RAB44: variants seen among roughly 807,000 people sequenced by gnomAD.
RAB44 encodes the protein RAB44, member RAS oncogene family, also known as ras-related protein Rab-44.
Under a neutral mutation model 93.3 loss-of-function variants are expected in RAB44, and 67 were observed. The ratio of observed to expected loss-of-function variants is 0.72; its 90% CI spans 0.59 to 0.88. RAB44 has a LOEUF of 0.88. RAB44 is among the 40% of genes least tolerant of loss of function. RAB44 has a pLI of 0.00. For synonymous variants in RAB44, 427 were observed against 520.3 expected, an observed-to-expected ratio of 0.82 and a Z score of 2.44; for missense variants, 1,064 against 1,261.7, an observed-to-expected ratio of 0.84 and a Z score of 2.37.
rs147011832 is a variant in RAB44, at chr6:36,730,592, G to A, written c.2899-81G>A. ...GGGATGCATTGGGACTCTGATGGCCGGGACTTTAGTGGCGGGGTATGGCCT... is the reference window on the plus strand; with the variant it reads ...GGGATGCATTGGGACTCTGATGGCCAGGACTTTAGTGGCGGGGTATGGCCT... On this transcript the variant is annotated intron_variant, in intron 12 of 13. Transcript: ENST00000612677. 6,947 of 876,392 alleles carry A rather than the reference G, an allele frequency of 7.9e-3. 44 individuals carry two copies. Among genetic ancestry groups the A allele is most frequent in the Non-Finnish European group, 9.1e-3 (5,991 of 661,598 alleles). 54.3% of individuals were successfully genotyped at this position (876,392 alleles called of 1,614,324 possible).
intron 1 of RAB44, among the ~76,000 whole-genome samples, chr6:36,699,922 A>G (rs1582602453): frequency 1.3e-5 from 2 of 152,332 alleles, no homozygotes; most frequent in African/African-American, 4.8e-5. Flanking sequence ...TCATATATTC[A>G]GCAAATATTT....
chr6:36,720,319 G>A (rs547335203), intron 7 of RAB44, 44 bp from the exon 8 acceptor site: 4 of 1,230,792 alleles, frequency 3.2e-6, no homozygotes, highest in African/African-American at 1.5e-5. Context: ...TTTGCGCCCT[G>A]GAGGGCATCT....
intron 11 of RAB44, 48 bp from the exon 12 acceptor site, chr6:36,728,652 A>C (rs559017888): frequency 4.8e-6 from 7 of 1,462,148 alleles, no homozygotes; most frequent in African/African-American, 1.4e-5. Flanking sequence ...ATGTGCCAGG[A>C]GCCTGGCACA....
intron 1 of RAB44, among the ~76,000 whole-genome samples, chr6:36,699,345 A>T (rs1435561614): frequency 1.3e-5 from 2 of 152,024 alleles, no homozygotes; most frequent in Non-Finnish European, 2.9e-5. Flanking sequence ...GGCTGCAGGG[A>T]ATTTCTTCCA....
chr6:36,703,437 G>A (rs1762560749), intron 1 of RAB44, among the ~76,000 whole-genome samples: 1 of 152,320 alleles, frequency 6.6e-6, no homozygotes, highest in East Asian at 1.9e-4. Context: ...GAGGCAGCCT[G>A]TAAGGTGAGG....
intron 10 of RAB44, 83 bp downstream of exon 10, chr6:36,726,026 C>A (rs1400875249): frequency 1.8e-6 from 2 of 1,099,522 alleles, no homozygotes; most frequent in African/African-American, 1.5e-5. Flanking sequence ...CCTAATAACA[C>A]AGGCAGGAGG....
rs904455702 is a variant in RAB44 at position 36,720,519 on chromosome 6, C to A, written c.985C>A (p.Arg329=). ...TRGRLDAARG[R]VSWQVEEKLS... is the part of the protein sequence containing the mutation. ...GGGGCGCCTGGACGCCGCCAGGGGC[C>A]GGGTGTCCTGGCAGGTGGAGGAGAA... Residue 329 remains arginine, a synonymous_variant, in exon 8 of 14, where the codon CGG becomes AGG. Coordinates refer to ENST00000612677, the MANE Select transcript of RAB44 (RefSeq NM_001257357.2). 2.1e-5 allele frequency: 26 copies of A among 1,233,678 alleles called. No individual in the cohort carries two copies. The highest frequency in any genetic ancestry group is 4.7e-5 in the African/African-American group (3 of 64,428). The allele number at this position is 1,233,678 out of a possible 1,614,324, so 76.4% of individuals were successfully genotyped here.
At chr6:36,701,197 C>T (rs895459044) in intron 1 of RAB44, among the ~76,000 whole-genome samples, 8 of 152,106 alleles carry the variant, frequency 5.3e-5, no homozygotes, top group South Asian at 4.1e-4. Context: ...GCAACCTCTG[C>T]CTCTTGGGTT....
rs1763362666 is a variant in RAB44, at chr6:36,731,469, G to A, written c.2976-534G>A. 6.6e-6 allele frequency among the ~76,000 whole-genome samples: 1 copy of A among 152,244 alleles called. No homozygotes were observed. Among genetic ancestry groups the A allele is most frequent in the African/African-American group, 2.4e-5 (1 of 41,450 alleles). On this transcript the variant is annotated intron_variant, in intron 13 of 13. Transcript: ENST00000612677. This position sits in a 1 kb window ranked among gnomAD's most constrained non-coding sequence, Gnocchi z 4.0. ...GTAAGGCATGAGGGGAGCTAGATCA[G>A]ATGAGCACCATCTGGCACACAGTAA... is the stretch of plus-strand genomic sequence containing the variant.
chr6:36,722,687 C>G lies in RAB44; in HGVS notation c.2553C>G (p.His851Gln). ...DSNVGKTSFL[H>Q]LLHQNSFATG... The stretch of plus-strand genomic sequence containing the variant: ...ACGTGGGCAAAACATCCTTCCTGCA[C>G]CTGCTGCACCAGAATTCTTTCGCCA... The change falls in exon 9 of 14, where the codon CAC (histidine) becomes CAG (glutamine). Residue 851 changes from histidine to glutamine, a missense_variant. Coordinates refer to ENST00000612677, the MANE Select transcript of RAB44 (RefSeq NM_001257357.2). The G allele has an allele frequency of 6.4e-7, 1 of 1,550,662 alleles. No individual in the cohort carries two copies. Among genetic ancestry groups the G allele is most frequent in the Admixed American group, 2.0e-5 (1 of 51,008 alleles).
rs1763358722 is a variant in RAB44, at chr6:36,731,251, C to A, written c.2975+502C>A. The stretch of plus-strand genomic sequence containing the variant: ...GCCACTCAGAGACTCCCTCCCTGAT[C>A]ACCCACCTGCCATCACTATTTTGGA... On this transcript the variant is annotated intron_variant, in intron 13 of 13. Transcript: ENST00000612677. This position sits in a 1 kb window ranked among gnomAD's most constrained non-coding sequence, Gnocchi z 4.0. Among the ~76,000 whole-genome samples, 1 of 152,088 alleles carries A rather than the reference C, an allele frequency of 6.6e-6. No individual in the cohort carries two copies. The highest frequency in any genetic ancestry group is 1.5e-5 in the Non-Finnish European group (1 of 68,014).
At position 36,717,301 on chromosome 6, in the gene RAB44, C is replaced by T. The variant is rs1345919898; in HGVS notation, c.523C>T (p.Gln175Ter). Reference sequence around the variant, plus strand: ...GATGGAAATCTGGCAACTGTGGGGGCAGCTGCGGCAGGAGGAGCCCCAGCT... The same window carrying T: ...GATGGAAATCTGGCAACTGTGGGGGTAGCTGCGGCAGGAGGAGCCCCAGCT... ...KQMEIWQLWG[Q>*]LRQEEPQLAG... The change falls in exon 5 of 14, where the codon CAG (glutamine) becomes TAG (stop). Residue 175 changes from glutamine (Q) to a stop codon, truncating the protein, a stop_gained. Coordinates refer to ENST00000612677, the MANE Select transcript of RAB44 (RefSeq NM_001257357.2). LOFTEE classifies it high-confidence loss of function. This position sits in a 1 kb window ranked among gnomAD's most constrained non-coding sequence, Gnocchi z 4.1. 1.8e-5 allele frequency: 22 copies of T among 1,232,020 alleles called. No homozygotes were observed. The highest frequency in any genetic ancestry group is 2.1e-5 in the Non-Finnish European group (21 of 987,970). The allele number at this position is 1,232,020 out of a possible 1,614,324, so 76.3% of individuals were successfully genotyped here.
intron 2 of RAB44, among the ~76,000 whole-genome samples, chr6:36,706,581 G>T (rs1762655209): frequency 1.3e-5 from 2 of 152,088 alleles, no homozygotes; most frequent in Non-Finnish European, 2.9e-5. Flanking sequence ...GATTAAATGA[G>T]GACATCCCAT....
In RAB44 at chr6:36,722,621, C is replaced by T; in HGVS notation, c.2487C>T (p.Asn829=). The part of the protein sequence containing the change: ...DPMAGGGPQA[N]PDYLFHVIFL... ...TGGCTGGAGGGGGACCCCAGGCCAA[C>T]CCTGATTACCTCTTCCATGTCATCT... The change falls in exon 9 of 14, where the codon AAC becomes AAT. Residue 829 remains asparagine (N), a synonymous_variant. Transcript: ENST00000612677. The T allele has an allele frequency of 1.3e-6, 2 of 1,550,678 alleles. No individual in the cohort carries two copies. Among genetic ancestry groups the T allele is most frequent in the South Asian group, 1.2e-5 (1 of 84,068 alleles).
rs145700612 is a variant in RAB44, at chr6:36,727,079, G to A, written c.2682-498G>A. 6.2e-3 allele frequency among the ~76,000 whole-genome samples: 932 copies of A among 149,492 alleles called. 8 individuals carry two copies. Among genetic ancestry groups the A allele is most frequent in the African/African-American group, 0.02 (818 of 41,328 alleles). ...GCCTCCCAAAGTGCTGGGATTACAGGCGTGAGCCACCGTGCCCAGCCCGAT... is the reference window on the plus strand; with the variant it reads ...GCCTCCCAAAGTGCTGGGATTACAGACGTGAGCCACCGTGCCCAGCCCGAT... On this transcript the variant is annotated intron_variant, in intron 10 of 13. Transcript: ENST00000612677.
In RAB44 at chr6:36,731,978, C is replaced by A. The variant is rs994252037; in HGVS notation, c.2976-25C>A. 8.1e-7 allele frequency: 1 copy of A among 1,229,406 alleles called. No homozygotes were observed. Among genetic ancestry groups the A allele is most frequent in the Non-Finnish European group, 1.0e-6 (1 of 984,642 alleles). 76.2% of individuals were successfully genotyped at this position (1,229,406 alleles called of 1,614,324 possible). On this transcript the variant is annotated intron_variant, in intron 13 of 13. Coordinates refer to ENST00000612677, the MANE Select transcript of RAB44 (RefSeq NM_001257357.2). This position sits in a 1 kb window ranked among gnomAD's most constrained non-coding sequence, Gnocchi z 4.0. ...CTGCCCGTAGGAGGTGAGAGAGAGG[C>A]CTGATGCCTGGCACTGTCACATAGG...
intron 7 of RAB44, among the ~76,000 whole-genome samples, chr6:36,719,113 G>A (rs1319262614): frequency 1.3e-5 from 2 of 152,166 alleles, no homozygotes; most frequent in Non-Finnish European, 2.9e-5. Flanking sequence ...TAGAGATGGG[G>A]TTTCACCGTG....
At chr6:36,728,373 A>G (rs1763285646) in intron 11 of RAB44, among the ~76,000 whole-genome samples, 1 of 152,184 alleles carries the variant, frequency 6.6e-6, no homozygotes, top group South Asian at 2.1e-4. Flanking sequence ...CTAATCAGAA[A>G]CTATTATTAT....
At chr6:36,730,605 C>A in intron 12 of RAB44, 68 bp from the exon 13 acceptor site, 2 of 995,636 alleles carry the variant, frequency 2.0e-6, no homozygotes, top group African/African-American at 1.7e-5. Flanking sequence ...ACTTTAGTGG[C>A]GGGGTATGGC....
Sources: gnomAD v4.1 joint callset for allele counts (sites outside exome capture counted in the v4.1 genomes callset) on GRCh38, gnomAD v4.1.1 for gene constraint, Gnocchi (gnomAD v3.1) non-coding constraint, MANE v1.5 for transcripts, NCBI Gene and HGNC (gene_info 2026-07-23, HGNC 2026-07-21) for gene names.